The following DLG2 variants were observed in gnomAD, a reference collection of about 807,000 sequenced individuals.
The protein encoded by DLG2 is disks large homolog 2.
Under a neutral mutation model 132.5 loss-of-function variants are expected in DLG2, and 45 were observed. That is an observed-to-expected ratio of 0.34 (90% CI 0.27 to 0.44). DLG2 has a LOEUF of 0.44. Among genes scored for constraint, DLG2 ranks in the 20% least tolerant of loss-of-function variants. The pLI, the probability that DLG2 is intolerant of heterozygous loss-of-function variation, is 1.00. For synonymous variants in DLG2, 424 were observed against 419.6 expected, an observed-to-expected ratio of 1.01 and a Z score of -0.13; for missense variants, 1,045 against 1,196.9, an observed-to-expected ratio of 0.87 and a Z score of 1.87.
chr11:84,825,217 T>A (rs1332448787), intron 6 of DLG2, among the ~76,000 whole-genome samples: 1 of 151,858 alleles, frequency 6.6e-6, no homozygotes, highest in Admixed American at 6.6e-5. Flanking sequence ...AGTTTGAATG[T>A]CAGCTTAATG....
At chr11:85,293,265 C>A (rs149798871) in intron 3 of DLG2, among the ~76,000 whole-genome samples, 70 of 152,016 alleles carry the variant, frequency 4.6e-4, no homozygotes, top group African/African-American at 9.2e-4. Context: ...ATCTCCCCAC[C>A]AATTAGAACA....
intron 15 of DLG2, among the ~76,000 whole-genome samples, chr11:83,884,136 G>A (rs972188603): frequency 5.9e-5 from 9 of 152,206 alleles, no homozygotes; most frequent in African/African-American, 1.4e-4. Flanking sequence ...GAAGCAGGGC[G>A]AGGCATTGCC....
chr11:83,690,028 A>G (rs1028235097), intron 18 of DLG2, among the ~76,000 whole-genome samples: 1 of 145,782 alleles, frequency 6.9e-6, no homozygotes, highest in African/African-American at 2.5e-5. Context: ...ATAAATATTT[A>G]TGTAAATATA....
At chr11:84,566,652 T>C (rs1331743017) in intron 6 of DLG2, among the ~76,000 whole-genome samples, 1 of 152,172 alleles carries the variant, frequency 6.6e-6, no homozygotes, top group African/African-American at 2.4e-5. Context: ...TCTGTCACAA[T>C]GTGACTAACT....
chr11:85,207,237 G>C (rs1417019055), intron 4 of DLG2, among the ~76,000 whole-genome samples: 1 of 152,088 alleles, frequency 6.6e-6, no homozygotes, highest in Non-Finnish European at 1.5e-5. Flanking sequence ...TGTCTTCTTA[G>C]ACTGTGTAAA....
At chr11:85,260,452 C>G (rs1210942000) in intron 4 of DLG2, among the ~76,000 whole-genome samples, 1 of 152,108 alleles carries the variant, frequency 6.6e-6, no homozygotes, top group Admixed American at 6.5e-5. Flanking sequence ...GATCTTCTTC[C>G]ACATGAAAGC....
intron 11 of DLG2, 64 bp from the exon 12 acceptor site, chr11:83,980,706 C>A: frequency 7.1e-7 from 1 of 1,404,254 alleles, no homozygotes; most frequent in African/African-American, 1.5e-5. Flanking sequence ...TTAGAAAATG[C>A]AGTTAGCCAC....
At chr11:84,612,834 A>G (rs1206777278) in intron 6 of DLG2, among the ~76,000 whole-genome samples, 6 of 152,180 alleles carry the variant, frequency 3.9e-5, no homozygotes, top group African/African-American at 1.4e-4. Context: ...ATCTGGACTC[A>G]GAATGATTAC....
chr11:84,573,217 C>A (rs930927288), intron 6 of DLG2, among the ~76,000 whole-genome samples: 2 of 151,916 alleles, frequency 1.3e-5, no homozygotes, highest in African/African-American at 4.8e-5. Flanking sequence ...ATTTTAGTAG[C>A]TAAGTAAATT....
rs1433154782 is a variant in DLG2 at position 84,262,951 on chromosome 11, G to T, written c.520-11660C>A. Reference sequence around the variant, plus strand: ...TGGAATCAACCTGACAACCCAGGTGGTTCCTGCATGGCTATAAAAAATCAG... The same window carrying T: ...TGGAATCAACCTGACAACCCAGGTGTTTCCTGCATGGCTATAAAAAATCAG... On this transcript the variant is annotated intron_variant, in intron 7 of 27. Transcript: ENST00000376104. 2.6e-5 allele frequency among the ~76,000 whole-genome samples: 4 copies of T among 152,240 alleles called. No individual in the cohort carries two copies. In the South Asian group the frequency reaches 6.2e-4, roughly 24 times the overall value.
At chr11:84,141,075 G>A (rs1245940986) in intron 9 of DLG2, among the ~76,000 whole-genome samples, 1 of 152,032 alleles carries the variant, frequency 6.6e-6, no homozygotes, top group Non-Finnish European at 1.5e-5. Flanking sequence ...TAGAATATAA[G>A]GTCCAAACTT....
intron 21 of DLG2, among the ~76,000 whole-genome samples, chr11:83,489,841 A>G (rs1011169248): frequency 5.3e-5 from 8 of 151,966 alleles, no homozygotes; most frequent in South Asian, 4.1e-4. Flanking sequence ...ATGAGTAAAC[A>G]CATGGATGTT....
intron 14 of DLG2, among the ~76,000 whole-genome samples, chr11:83,962,028 G>C (rs1486504890): frequency 6.6e-6 from 1 of 152,016 alleles, no homozygotes; most frequent in African/African-American, 2.4e-5. Flanking sequence ...ACATATACCA[G>C]TGAGGAAAGC....
chr11:84,385,723 A>G (rs1160275873), intron 7 of DLG2, among the ~76,000 whole-genome samples: 3 of 152,152 alleles, frequency 2.0e-5, no homozygotes, highest in African/African-American at 7.2e-5. Flanking sequence ...CTGCCTACTT[A>G]TTAAACTGAA....
chr11:84,358,600 C>T (rs1168027328), intron 7 of DLG2, among the ~76,000 whole-genome samples: 1 of 151,696 alleles, frequency 6.6e-6, no homozygotes, highest in African/African-American at 2.4e-5. Flanking sequence ...ATTAACCACC[C>T]AGGAACAAAG....
At chr11:85,468,839 A>G (rs182818567) in intron 3 of DLG2, among the ~76,000 whole-genome samples, 29 of 152,220 alleles carry the variant, frequency 1.9e-4, no homozygotes, top group Middle Eastern at 3.4e-3. Flanking sequence ...TTAAATATTT[A>G]TAGAGATGGA....
chr11:84,893,564 C>G (rs570879679), intron 6 of DLG2, among the ~76,000 whole-genome samples: 1 of 152,108 alleles, frequency 6.6e-6, no homozygotes, highest in Non-Finnish European at 1.5e-5. Flanking sequence ...TCTGAAGAGT[C>G]TGAAAGTTTA....
chr11:85,011,437 A>T (rs1201194101), intron 6 of DLG2, among the ~76,000 whole-genome samples: 1 of 152,220 alleles, frequency 6.6e-6, no homozygotes, highest in South Asian at 2.1e-4. Flanking sequence ...AATAAGAAAC[A>T]ATCTTCCAAA....
intron 7 of DLG2, chr11:84,317,035 C>G: frequency 1.2e-6 from 2 of 1,612,836 alleles, no homozygotes; most frequent in South Asian, 1.1e-5. Flanking sequence ...AGTTCCTCTG[C>G]CAGCCACAAG....
Sources: allele counts gnomAD v4.1 joint callset (sites outside exome capture counted in the v4.1 genomes callset), GRCh38; gene constraint gnomAD v4.1.1; transcripts MANE v1.5; gene names NCBI Gene and HGNC (gene_info 2026-07-23, HGNC 2026-07-21).